SIGLEC1: variants seen among roughly 807,000 people sequenced by gnomAD.
SIGLEC1 encodes the protein sialoadhesin.
A neutral mutation model predicts 148.0 loss-of-function variants in SIGLEC1; 132 were observed. The ratio of observed to expected loss-of-function variants is 0.89; its 90% CI spans 0.77 to 1.03. SIGLEC1 has a LOEUF of 1.03. Among genes scored for constraint, SIGLEC1 ranks in the 50% least tolerant of loss-of-function variants. SIGLEC1 has a pLI of 0.00. For missense variants in SIGLEC1, 2,253 were observed against 2,271.4 expected (o/e 0.99, Z 0.16); for synonymous variants, 945 against 969.0 (o/e 0.98, Z 0.46).
intron 11 of SIGLEC1, 80 bp from the exon 12 acceptor site, chr20:3,695,003 GACT>G: frequency 6.9e-7 from 1 of 1,443,162 alleles, no homozygotes; most frequent in Non-Finnish European, 9.4e-7. Context: ...GTCCACCTAG[GACT>G]ACACAACCCA....
Position 3,701,496 on chromosome 20 carries a change from G to T in SIGLEC1, c.1374C>A (p.Asp458Glu), listed in dbSNP as rs778505764. 72 of 1,613,982 alleles carry T rather than the reference G, an allele frequency of 4.5e-5. No individual in the cohort carries two copies. The highest frequency in any genetic ancestry group is 6.1e-5 in the Non-Finnish European group (72 of 1,180,042). ...CACTGAAGCGTGGGCTGTGATCACT[G>T]TCCCCGGAGGTGGAGGCCAGGATAT... ...GGHILASTSGDSDHSPRFSGT... is the reference protein window; with the variant it reads ...GGHILASTSGESDHSPRFSGT... Residue 458 changes from aspartate (D) to glutamate (E), a missense_variant, in exon 7 of 22, where the codon GAC becomes GAA. Asp to Glu is a conservative substitution (Grantham distance 45). Coordinates refer to ENST00000344754, the MANE Select transcript of SIGLEC1 (RefSeq NM_023068.4).
chr20:3,687,953 T>G lies in SIGLEC1; in HGVS notation c.*607A>C, dbSNP rs1233128812. On this transcript the variant is annotated 3_prime_UTR_variant, in exon 22 of 22. Transcript: ENST00000344754. ...TGCTTCTACCTCCACTCTTCCTTCT[T>G]CTGGCTGGAGGGCATGTGGACAAAG... 6.3e-6 allele frequency: 1 copy of G among 157,894 alleles called. No individual in the cohort carries two copies. Among genetic ancestry groups the G allele is most frequent in the Non-Finnish European group, 1.4e-5 (1 of 71,220 alleles). 9.8% of individuals were successfully genotyped at this position (157,894 alleles called of 1,614,324 possible).
chr20:3,709,093 A>G (rs536085293), intron 1 of SIGLEC1, among the ~76,000 whole-genome samples: 1 of 150,696 alleles, frequency 6.6e-6, no homozygotes, highest in South Asian at 2.1e-4. Context: ...GACACTATCC[A>G]GAGAGTGAAT....
chr20:3,694,163 C>A (rs753478961), intron 13 of SIGLEC1, 58 bp downstream of exon 13: 58 of 1,506,258 alleles, frequency 3.9e-5, no homozygotes, highest in Non-Finnish European at 5.1e-5. Flanking sequence ...ACCTCCTCTC[C>A]TCTTTTAAAG....
In SIGLEC1 at chr20:3,692,742, G is replaced by A. The variant is rs1302086122; in HGVS notation, c.3809C>T (p.Ala1270Val). The A allele has an allele frequency of 1.2e-6, 2 of 1,611,370 alleles. No individual in the cohort carries two copies. Among genetic ancestry groups the A allele is most frequent in the African/African-American group, 2.7e-5 (2 of 74,930 alleles). ...TGTGATGGGGGCACCTTCAGGCACG[G>A]CAGCCTCCGGAGCCAGGATCACCCG... Reference protein sequence around the residue: ...GVRVILAPEAAVPEGAPITVT... With the variant: ...GVRVILAPEAVVPEGAPITVT... The change falls in exon 16 of 22, where the codon GCC becomes GTC. Residue 1270 changes from alanine to valine, a missense_variant. Physicochemically the swap from Ala to Val is moderately conservative, Grantham distance 64. Coordinates refer to ENST00000344754, the MANE Select transcript of SIGLEC1 (RefSeq NM_023068.4).
At chr20:3,697,400 C>T in intron 9 of SIGLEC1, 58 bp from the exon 10 acceptor site, 2 of 1,602,008 alleles carry the variant, frequency 1.2e-6, no homozygotes, top group South Asian at 1.1e-5. Context: ...GCCAGGGGTC[C>T]AGCCGCCCAG....
chr20:3,691,210 G>T, intron 18 of SIGLEC1, 130 bp downstream of exon 18: 1 of 1,126,114 alleles, frequency 8.9e-7, no homozygotes, highest in South Asian at 1.4e-5. Context: ...GACAGCGGGA[G>T]AGCCAGGATT....
At position 3,689,702 on chromosome 20, in the gene SIGLEC1, G is replaced by C. The variant is rs765394782; in HGVS notation, c.4895C>G (p.Ala1632Gly). The change falls in exon 20 of 22, where the codon GCC (alanine) becomes GGC (glycine). Residue 1632 changes from alanine (A) to glycine (G), a missense_variant and splice_region_variant. Physicochemically the swap from Ala to Gly is moderately conservative, Grantham distance 60. Transcript: ENST00000344754. Reference sequence around the variant, plus strand: ...CTGGAACTGATGCAGGCGGTGCAGGGCTGGAACACAGAGCGGGACTCAGAG... The same window carrying C: ...CTGGAACTGATGCAGGCGGTGCAGGCCTGGAACACAGAGCGGGACTCAGAG... ...ASTSTYFGVR[A>G]LHRLHQFQQL... The C allele has an allele frequency of 2.5e-6, 4 of 1,571,510 alleles. 1 individual carries two copies. In the South Asian group the frequency reaches 3.5e-5, roughly 14 times the overall value.
In SIGLEC1 at chr20:3,692,070, G is replaced by A. The variant is rs146035034; in HGVS notation, c.4163C>T (p.Thr1388Met). 11 of 1,611,468 alleles carry A rather than the reference G, an allele frequency of 6.8e-6. No homozygotes were observed. Among genetic ancestry groups the A allele is most frequent in the East Asian group, 2.2e-5 (1 of 44,878 alleles). Residue 1388 changes from threonine (T) to methionine (M), a missense_variant, in exon 17 of 22, where the codon ACG (threonine) becomes ATG (methionine). Transcript: ENST00000344754. ...ALSHDGKVLA[T>M]SSGVHSLASG... ...TGCCAAGCTGTGGACCCCGCTGCTC[G>A]TGGCCAGCACCTTGCCATCATGAGA...
In SIGLEC1 at chr20:3,706,045, G is replaced by A. The variant is rs1278076155; in HGVS notation, c.410-5C>T. ...TGGTGGGCACCCTGGGCTCCTCTGA[G>A]GACAGAGACAGCAGTGCTCAGGACC... On this transcript the variant is annotated splice_region_variant and splice_polypyrimidine_tract_variant and intron_variant, in intron 3 of 21. Coordinates refer to ENST00000344754, the MANE Select transcript of SIGLEC1 (RefSeq NM_023068.4). The A allele has an allele frequency of 6.2e-7, 1 of 1,610,730 alleles. No homozygotes were observed. Among genetic ancestry groups the A allele is most frequent in the East Asian group, 2.2e-5 (1 of 44,814 alleles).
chr20:3,706,326 C>T, intron 3 of SIGLEC1, 21 bp downstream of exon 3: 6 of 1,590,456 alleles, frequency 3.8e-6, no homozygotes, highest in Non-Finnish European at 5.1e-6. Flanking sequence ...CGGGGGGCAG[C>T]CAGGCCACCC....
In SIGLEC1 at chr20:3,692,971, G is replaced by A. The variant is rs1420762059; in HGVS notation, c.3669C>T (p.Thr1223=). 1 of 1,612,630 alleles carries A rather than the reference G, an allele frequency of 6.2e-7. No individual in the cohort carries two copies. Among genetic ancestry groups the A allele is most frequent in the Non-Finnish European group, 8.5e-7 (1 of 1,179,890 alleles). Residue 1223 remains threonine, a synonymous_variant, in exon 15 of 22, where the codon ACC becomes ACT. Coordinates refer to ENST00000344754, the MANE Select transcript of SIGLEC1 (RefSeq NM_023068.4). ...GTGGCCCTCGCAGCTCCAGGCGCAG[G>A]GTGTTGGGGACAGAGGCTGCTGTCG... ...ASSTAASVPN[T]LRLELRGPQP...
chr20:3,711,820 C>T (rs1389909911), intron 1 of SIGLEC1, among the ~76,000 whole-genome samples: 5 of 152,194 alleles, frequency 3.3e-5, no homozygotes, highest in Admixed American at 3.3e-4. Flanking sequence ...TGCTGGACAG[C>T]ACCAGAAGCC....
Position 3,691,861 on chromosome 20 carries a change from G to T in SIGLEC1, c.4330+42C>A, listed in dbSNP as rs1034638714. ...CAGCCCCTCTCGTGGACTTGGACCTGAGAGCATCAGAGCCCCTCCTCCTCC... is the reference window on the plus strand; with the variant it reads ...CAGCCCCTCTCGTGGACTTGGACCTTAGAGCATCAGAGCCCCTCCTCCTCC... On this transcript the variant is annotated intron_variant, in intron 17 of 21. Transcript: ENST00000344754. 2.0e-6 allele frequency: 3 copies of T among 1,537,614 alleles called. No homozygotes were observed. In the African/African-American group the frequency reaches 4.1e-5, roughly 21 times the overall value.
intron 1 of SIGLEC1, among the ~76,000 whole-genome samples, chr20:3,708,131 G>C (rs957246535): frequency 1.5e-4 from 23 of 152,216 alleles, no homozygotes; most frequent in Admixed American, 4.6e-4. Context: ...CTGAGGTTCA[G>C]AGTTGGAGTG....
At chr20:3,704,377 C>T (rs2087877600) in intron 4 of SIGLEC1, among the ~76,000 whole-genome samples, 1 of 152,168 alleles carries the variant, frequency 6.6e-6, no homozygotes, top group Admixed American at 6.5e-5. Flanking sequence ...CAATGCTGTC[C>T]ATTGCTCCTG....
chr20:3,694,825 A>G lies in SIGLEC1; in HGVS notation c.2782T>C (p.Tyr928His). 1.2e-6 allele frequency: 2 copies of G among 1,613,504 alleles called. No individual in the cohort carries two copies. Among genetic ancestry groups the G allele is most frequent in the Non-Finnish European group, 8.5e-7 (1 of 1,179,978 alleles). ...GGCTGGCCATCCCGATACCAACGAT[A>G]TGAGGTCCCCTCTGGGACTCCTGTG... ...VHTGVPEGTS[Y>H]RWYRDGQPLQ... The change falls in exon 12 of 22, where the codon TAT (tyrosine) becomes CAT (histidine). Residue 928 changes from tyrosine to histidine, a missense_variant. Tyr to His is a moderately conservative substitution (Grantham distance 83). Coordinates refer to ENST00000344754, the MANE Select transcript of SIGLEC1 (RefSeq NM_023068.4).
At chr20:3,698,274 G>C (rs1217089001) in intron 8 of SIGLEC1, 141 bp from the exon 9 acceptor site, 1 of 720,946 alleles carries the variant, frequency 1.4e-6, no homozygotes, top group East Asian at 3.0e-5. Flanking sequence ...CACTGCACAA[G>C]GGCAGCCAGA....
chr20:3,696,050 A>G (rs920859309), intron 11 of SIGLEC1, among the ~76,000 whole-genome samples: 147 of 151,814 alleles, frequency 9.7e-4, no homozygotes, highest in African/African-American at 3.1e-3. Flanking sequence ...CGCCCGCCTC[A>G]GCCTCCCAAA....
Sources: gnomAD v4.1 joint callset for allele counts (sites outside exome capture counted in the v4.1 genomes callset) on GRCh38, gnomAD v4.1.1 for gene constraint, MANE v1.5 for transcripts, NCBI Gene and HGNC (gene_info 2026-07-23, HGNC 2026-07-21) for gene names.